Variants in PAQR8 observed in about 807,000 individuals in gnomAD.
PAQR8 encodes the protein progestin and adipoQ receptor family member 8.
Under a neutral mutation model 25.2 loss-of-function variants are expected in PAQR8, and 17 were observed. The ratio of observed to expected loss-of-function variants is 0.67; its 90% CI spans 0.46 to 1.01. PAQR8 has a LOEUF of 1.01. Among genes scored for constraint, PAQR8 ranks in the 50% least tolerant of loss-of-function variants. The pLI is 0.00. For synonymous variants in PAQR8, 204 were observed against 190.6 expected (o/e 1.07, Z -0.58); for missense variants, 392 against 448.4 (o/e 0.87, Z 1.14).
intron 1 of PAQR8, among the ~76,000 whole-genome samples, chr6:52,364,088 T>G (rs1021289700): frequency 2.8e-5 from 4 of 142,666 alleles, no homozygotes. Flanking sequence ...GATATGTTTT[T>G]TTTTTTTTTT....
At chr6:52,386,902 T>C (rs1024540515) in intron 1 of PAQR8, among the ~76,000 whole-genome samples, 7 of 152,264 alleles carry the variant, frequency 4.6e-5, no homozygotes, top group African/African-American at 1.4e-4. Context: ...GTTAGGCAGG[T>C]AGGTAATTGT....
chr6:52,394,254 G>A (rs1763742474), intron 1 of PAQR8, among the ~76,000 whole-genome samples: 3 of 152,202 alleles, frequency 2.0e-5, no homozygotes, highest in Admixed American at 2.0e-4. Flanking sequence ...GTTCCTCTCT[G>A]AAAGTTAAAT....
chr6:52,388,000 C>T (rs1287557483), intron 1 of PAQR8, among the ~76,000 whole-genome samples: 1 of 152,194 alleles, frequency 6.6e-6, no homozygotes, highest in East Asian at 1.9e-4. Context: ...CGTCTAGTTG[C>T]AGTAAAACAA....
intron 1 of PAQR8, among the ~76,000 whole-genome samples, chr6:52,388,440 C>T (rs1763658756): frequency 6.6e-6 from 1 of 151,800 alleles, no homozygotes; most frequent in African/African-American, 2.4e-5. Flanking sequence ...TACTCCTCAA[C>T]CCCCAGCCCC....
In PAQR8 at chr6:52,403,374, G is replaced by T; in HGVS notation, c.161G>T (p.Gly54Val). Residue 54 changes from glycine (G) to valine (V), a missense_variant, in exon 2 of 2, where the codon GGC (glycine) becomes GTC (valine). Gly to Val is a moderately radical substitution (Grantham distance 109, BLOSUM62 -3). Transcript: ENST00000442253. ...TTCCGGGAGCCTTACATCCGCACCG[G>T]CTACCGCCCCACGGGGCACGAGTGG... Reference protein sequence around the residue: ...QLFREPYIRTGYRPTGHEWRY... With the variant: ...QLFREPYIRTVYRPTGHEWRY... 6.2e-7 allele frequency: 1 copy of T among 1,614,216 alleles called. No homozygotes were observed. The highest frequency in any genetic ancestry group is 1.1e-5 in the South Asian group (1 of 91,082).
intron 1 of PAQR8, among the ~76,000 whole-genome samples, chr6:52,385,068 A>G (rs1763614214): frequency 1.3e-5 from 2 of 152,204 alleles, no homozygotes; most frequent in African/African-American, 2.4e-5. Context: ...TCCCCACCCA[A>G]TCTCATCTTG....
rs369179162 is a variant in PAQR8, at chr6:52,396,617, G to A, written c.-52-6545G>A. Among the ~76,000 whole-genome samples the A allele has an allele frequency of 4.6e-5, 7 of 152,292 alleles. No homozygotes were observed. In the East Asian group the frequency reaches 1.3e-3, roughly 29 times the overall value. ...AGTGAGGGTTGGGGATGTGAGTTAG[G>A]AGAGCCATTATTGATGATGAAAGGT... On this transcript the variant is annotated intron_variant, in intron 1 of 1. Transcript: ENST00000442253.
intron 1 of PAQR8, among the ~76,000 whole-genome samples, chr6:52,364,320 A>G (rs1189973200): frequency 6.6e-6 from 1 of 152,182 alleles, no homozygotes; most frequent in Non-Finnish European, 1.5e-5. Flanking sequence ...TTTCAGGATA[A>G]GCATATTTCC....
intron 1 of PAQR8, among the ~76,000 whole-genome samples, chr6:52,401,776 A>C (rs1396147497): frequency 6.6e-6 from 1 of 152,182 alleles, no homozygotes; most frequent in African/African-American, 2.4e-5. Flanking sequence ...TTTTCAAAGT[A>C]CCAGTGAAAT....
At chr6:52,379,096 CA>C (rs70977347) in intron 1 of PAQR8, among the ~76,000 whole-genome samples, 45,569 of 92,822 alleles carry the variant, frequency 0.49, 8,662 homozygotes, top group East Asian at 0.82. Flanking sequence ...TACTCTTTAT[CA>C]AAAAAAAAAA....
Position 52,406,567 on chromosome 6 carries a change from T to TA in PAQR8, c.*2291dup, listed in dbSNP as rs1338940955. Reference sequence around the variant, plus strand: ...CTCAAGTGGTTGGAAATTTTTTTTTTAATCTCTTTTTCTGAGACAGGGTCT... The same window carrying TA: ...CTCAAGTGGTTGGAAATTTTTTTTTTAAATCTCTTTTTCTGAGACAGGGTCT... On this transcript the variant is annotated 3_prime_UTR_variant, in exon 2 of 2. Coordinates refer to ENST00000442253, the MANE Select transcript of PAQR8 (RefSeq NM_133367.5). 2.4e-6 allele frequency: 1 copy of TA among 413,274 alleles called. No homozygotes were observed. The highest frequency in any genetic ancestry group is 4.4e-6 in the Non-Finnish European group (1 of 226,134). The allele number at this position is 413,274 out of a possible 1,614,324, so 25.6% of individuals were successfully genotyped here.
intron 1 of PAQR8, among the ~76,000 whole-genome samples, chr6:52,372,170 G>A (rs17650296): frequency 0.13 from 19,207 of 152,150 alleles, 1,631 homozygotes; most frequent in Non-Finnish European, 0.19. Context: ...GCAGCTGCAC[G>A]AGCCATTAAA....
In PAQR8 at chr6:52,362,286, T is replaced by G; in HGVS notation, c.-53+37T>G. ...CGCGGGAGGCGCGGAACGGGTCGAG[T>G]TGGGTATTGGGACCGCGAGGTCGGG... On this transcript the variant is annotated intron_variant, in intron 1 of 1. Transcript: ENST00000442253. This position sits in a 1 kb window ranked among gnomAD's most constrained non-coding sequence, Gnocchi z 4.1. 1 of 151,526 alleles carries G rather than the reference T, an allele frequency of 6.6e-6. No individual in the cohort carries two copies. The highest frequency in any genetic ancestry group is 1.9e-4 in the East Asian group (1 of 5,148). The allele number at this position is 151,526 out of a possible 1,614,324, so 9.4% of individuals were successfully genotyped here.
intron 1 of PAQR8, among the ~76,000 whole-genome samples, chr6:52,395,660 G>A (rs779357716): frequency 4.6e-5 from 7 of 152,156 alleles, no homozygotes; most frequent in South Asian, 2.1e-4. Context: ...TAGAAAATAC[G>A]TGTGGATAGA....
At chr6:52,372,750 ATG>A (rs1554255137) in intron 1 of PAQR8, among the ~76,000 whole-genome samples, 7 of 83,488 alleles carry the variant, frequency 8.4e-5, no homozygotes, top group African/African-American at 2.6e-4. Flanking sequence ...ATATATATAT[ATG>A]GATATATATA....
chr6:52,389,148 A>T (rs1763666842), intron 1 of PAQR8, among the ~76,000 whole-genome samples: 1 of 152,232 alleles, frequency 6.6e-6, no homozygotes, highest in Non-Finnish European at 1.5e-5. Flanking sequence ...CAGCAATTTA[A>T]ATATTGGTGC....
At chr6:52,383,124 T>A (rs1581792468) in intron 1 of PAQR8, among the ~76,000 whole-genome samples, 1 of 152,374 alleles carries the variant, frequency 6.6e-6, no homozygotes, top group East Asian at 1.9e-4. Context: ...GATACACTAA[T>A]ATATTTATAG....
chr6:52,389,302 T>G (rs1210561140), intron 1 of PAQR8, among the ~76,000 whole-genome samples: 1 of 152,230 alleles, frequency 6.6e-6, no homozygotes, highest in Non-Finnish European at 1.5e-5. Context: ...ATTCACTTTG[T>G]TTTTGAACAA....
intron 1 of PAQR8, among the ~76,000 whole-genome samples, chr6:52,393,333 CTTTTTTTTTT>C (rs35079265): frequency 9.0e-6 from 1 of 111,192 alleles, no homozygotes; most frequent in Non-Finnish European, 1.7e-5. Context: ...CTTTCTCTCT[CTTTTTTTTTT>C]TTTTTTTTTT....
Sources: allele counts gnomAD v4.1 joint callset (sites outside exome capture counted in the v4.1 genomes callset), GRCh38; gene constraint gnomAD v4.1.1; non-coding constraint Gnocchi (gnomAD v3.1); transcripts MANE v1.5; gene names NCBI Gene and HGNC (gene_info 2026-07-23, HGNC 2026-07-21).